GSE1: variants seen among roughly 807,000 people sequenced by gnomAD.
The protein encoded by GSE1 is Gse1 coiled-coil protein.
In GSE1, 32 loss-of-function variants were observed where a neutral mutation model predicts 112.6. That is an observed-to-expected ratio of 0.28 (90% CI 0.21 to 0.38). The LOEUF (loss-of-function observed/expected upper bound fraction) is 0.38. GSE1 is among the 10% of genes least tolerant of loss of function. The probability of loss-of-function intolerance (pLI) is 1.00; values close to 1 mark genes in which losing one functional copy is unlikely to be tolerated. For synonymous variants in GSE1, 1,115 were observed against 735.6 expected (o/e 1.52, Z -8.35); for missense variants, 2,348 against 1,699.2 (o/e 1.38, Z -6.71).
rs1273766554 is a variant in GSE1 at position 85,192,344 on chromosome 16, G to T, written c.2283+20537G>T. ...TTTCTGTGCTATAATTTCCCCATCT[G>T]TAAAGGTTAATAGCCATATGTCTAT... On this transcript the variant is annotated intron_variant, in intron 1 of 2. Coordinates refer to the GSE1 transcript ENST00000637419. 2.0e-5 allele frequency among the ~76,000 whole-genome samples: 3 copies of T among 152,242 alleles called. No individual in the cohort carries two copies. In the East Asian group the frequency reaches 5.8e-4, roughly 29 times the overall value.
intron 1 of GSE1, among the ~76,000 whole-genome samples, chr16:85,613,981 G>A (rs537462900): frequency 1.3e-5 from 2 of 151,538 alleles, no homozygotes; most frequent in African/African-American, 2.4e-5. Context: ...CAGCCTGCCG[G>A]GTTTGTGACC....
At chr16:85,327,163 C>G (rs1202593185) in intron 1 of GSE1, among the ~76,000 whole-genome samples, 1 of 152,188 alleles carries the variant, frequency 6.6e-6, no homozygotes, top group Non-Finnish European at 1.5e-5. Context: ...GGTCCCAAGA[C>G]CAGTGTCCCA....
intron 1 of GSE1, among the ~76,000 whole-genome samples, chr16:85,331,799 C>G (rs1422804056): frequency 1.3e-5 from 2 of 150,208 alleles, no homozygotes; most frequent in African/African-American, 4.9e-5. Context: ...CTGCCCACCT[C>G]AGCCTCCCGA....
chr16:85,599,926 G>A (rs930502712), intron 1 of GSE1, among the ~76,000 whole-genome samples: 1 of 152,182 alleles, frequency 6.6e-6, no homozygotes, highest in South Asian at 2.1e-4. Flanking sequence ...CCAGTCATGG[G>A]CAAGGCTCTG....
chr16:85,533,751 G>A (rs1443741453), intron 2 of GSE1, among the ~76,000 whole-genome samples: 3 of 152,020 alleles, frequency 2.0e-5, no homozygotes, highest in Non-Finnish European at 4.4e-5. Flanking sequence ...TGTGATCCCA[G>A]CTACTTGGGA....
At chr16:85,567,565 C>T (rs368840550) in intron 1 of GSE1, among the ~76,000 whole-genome samples, 38 of 152,150 alleles carry the variant, frequency 2.5e-4, no homozygotes, top group African/African-American at 8.7e-4. Context: ...AACATGGCGG[C>T]CCCAGAGCTC....
intron 1 of GSE1, among the ~76,000 whole-genome samples, chr16:85,316,480 G>A (rs578177511): frequency 6.6e-6 from 1 of 152,198 alleles, no homozygotes; most frequent in African/African-American, 2.4e-5. Flanking sequence ...ACTGGTCCGG[G>A]TGTCCTCTCT....
intron 1 of GSE1, among the ~76,000 whole-genome samples, chr16:85,560,125 C>CTT (rs2045441100): frequency 9.9e-6 from 1 of 100,626 alleles, no homozygotes. Context: ...TTTTCTTCTT[C>CTT]TTCTTTTTTT....
chr16:85,307,475 A>C (rs1210168746), intron 1 of GSE1, among the ~76,000 whole-genome samples: 1 of 152,188 alleles, frequency 6.6e-6, no homozygotes, highest in Admixed American at 6.5e-5. Context: ...TTTATTACAG[A>C]TGCAGGTTTA....
intron 2 of GSE1, among the ~76,000 whole-genome samples, chr16:85,519,216 C>T (rs561674033): frequency 3.3e-5 from 5 of 150,942 alleles, no homozygotes; most frequent in African/African-American, 9.8e-5. Flanking sequence ...TCACCTTCAC[C>T]ACCATCTGTA....
intron 2 of GSE1, among the ~76,000 whole-genome samples, chr16:85,543,887 G>C (rs1330119913): frequency 6.6e-6 from 1 of 152,208 alleles, no homozygotes; most frequent in African/African-American, 2.4e-5. Context: ...ATCCAGGCTG[G>C]AGGGCAGTGG....
chr16:85,582,743 C>A (rs1176963255), intron 1 of GSE1, among the ~76,000 whole-genome samples: 1 of 152,240 alleles, frequency 6.6e-6, no homozygotes, highest in East Asian at 1.9e-4. Context: ...CCTGCACAAC[C>A]CCCCCTCGCC....
At chr16:85,569,338 T>C (rs1315517217) in intron 1 of GSE1, among the ~76,000 whole-genome samples, 1 of 152,138 alleles carries the variant, frequency 6.6e-6, no homozygotes, top group Non-Finnish European at 1.5e-5. Context: ...CTGTAGCTCT[T>C]TATTTAGTAG....
chr16:85,343,797 C>G (rs1477502472), intron 1 of GSE1, among the ~76,000 whole-genome samples: 2 of 152,198 alleles, frequency 1.3e-5, no homozygotes, highest in African/African-American at 4.8e-5. Context: ...GATGTCTCTT[C>G]AGCTCGGAAC....
At chr16:85,657,754 C>G in intron 8 of GSE1, 150 bp downstream of exon 8, 2 of 591,486 alleles carry the variant, frequency 3.4e-6, no homozygotes, top group Non-Finnish European at 5.7e-6. Context: ...CGTTATAATG[C>G]CTGTCTTGCC....
intron 2 of GSE1, among the ~76,000 whole-genome samples, chr16:85,414,441 C>G (rs981819372): frequency 6.6e-6 from 1 of 152,184 alleles, no homozygotes; most frequent in Non-Finnish European, 1.5e-5. Context: ...CCACATCTCT[C>G]GCATTTTCTA....
At chr16:85,575,599 G>A (rs930815295) in intron 1 of GSE1, among the ~76,000 whole-genome samples, 1 of 152,070 alleles carries the variant, frequency 6.6e-6, no homozygotes, top group Non-Finnish European at 1.5e-5. Context: ...TTCATGACGG[G>A]CGGGAGGGGC....
At chr16:85,339,605 T>G (rs2046580445) in intron 1 of GSE1, among the ~76,000 whole-genome samples, 1 of 79,350 alleles carries the variant, frequency 1.3e-5, no homozygotes, top group African/African-American at 4.9e-5. Context: ...TTTCTTTCCG[T>G]GGATGTGCGG....
chr16:85,534,353 C>T (rs1443395960), intron 2 of GSE1, among the ~76,000 whole-genome samples: 2 of 152,130 alleles, frequency 1.3e-5, no homozygotes, highest in Non-Finnish European at 2.9e-5. Context: ...AACTCCTGAC[C>T]TCAAGTGATC....
Sources: gnomAD v4.1 joint callset for allele counts (sites outside exome capture counted in the v4.1 genomes callset) on GRCh38, gnomAD v4.1.1 for gene constraint, MANE v1.5 for transcripts, NCBI Gene and HGNC (gene_info 2026-07-23, HGNC 2026-07-21) for gene names.